OR13A1: variants seen among roughly 807,000 people sequenced by gnomAD.
OR13A1 encodes olfactory receptor 13A1.
Under a neutral mutation model 7.5 loss-of-function variants are expected in OR13A1, and 10 were observed. The ratio of observed to expected loss-of-function variants is 1.34; its 90% CI spans 0.83 to 2.27. The LOEUF (loss-of-function observed/expected upper bound fraction) is 2.27, where lower values mean the gene tolerates loss of function less well. Among genes scored for constraint, OR13A1 ranks in the 30% most tolerant of loss-of-function variants. The probability of loss-of-function intolerance (pLI) is 0.00; values close to 1 mark genes in which losing one functional copy is unlikely to be tolerated. For missense variants in OR13A1, 509 were observed against 419.1 expected, an observed-to-expected ratio of 1.21 and a Z score of -1.87; for synonymous variants, 238 against 177.9, an observed-to-expected ratio of 1.34 and a Z score of -2.69.
chr10:45,306,843 A>G (rs996613996), intron 3 of OR13A1, among the ~76,000 whole-genome samples: 1 of 152,232 alleles, frequency 6.6e-6, no homozygotes, highest in African/African-American at 2.4e-5. Context: ...AGTGGAAGTA[A>G]TAAATACAAT....
chr10:45,304,079 C>A lies in OR13A1; in HGVS notation c.344G>T (p.Cys115Phe), dbSNP rs115582445. 159 of 1,613,740 alleles carry A rather than the reference C, an allele frequency of 9.9e-5. No individual in the cohort carries two copies. The African/African-American group carries it at 1.8e-3, about 18-fold the overall frequency. The change falls in exon 4 of 4, where the codon TGC (cysteine) becomes TTC (phenylalanine). Residue 115 changes from cysteine (C) to phenylalanine (F), a missense_variant. Transcript: ENST00000553795. ...SEESSISYGG[C>F]MAQLYFLTWA... is the part of the protein sequence containing the mutation. ...CGTGAGGAAATAGAGCTGGGCCATG[C>A]AGCCCCCGTAGGAGATGGAGCTCTC...
At chr10:45,305,077 C>A (rs1838299215) in intron 3 of OR13A1, among the ~76,000 whole-genome samples, 1 of 151,912 alleles carries the variant, frequency 6.6e-6, no homozygotes, top group Admixed American at 6.6e-5. Context: ...ACTAAAAATA[C>A]AAAAATTAAC....
At chr10:45,315,417 T>G (rs1039362091) in intron 1 of OR13A1, 107 bp downstream of exon 1, 3 of 152,074 alleles carry the variant, frequency 2.0e-5, no homozygotes, top group Non-Finnish European at 4.4e-5. Context: ...AGAAAAAATG[T>G]TTAACAAAAT....
chr10:45,311,381 A>T (rs1222126764), intron 1 of OR13A1, among the ~76,000 whole-genome samples: 1 of 152,168 alleles, frequency 6.6e-6, no homozygotes, highest in Non-Finnish European at 1.5e-5. Context: ...CTTTAACTTC[A>T]GTCTTGGTTG....
intron 1 of OR13A1, among the ~76,000 whole-genome samples, chr10:45,314,375 C>T (rs1487347472): frequency 2.0e-5 from 3 of 151,010 alleles, no homozygotes; most frequent in African/African-American, 4.9e-5. Flanking sequence ...GGGAGGAGAA[C>T]TTCTGGAGGC....
rs150533270 is a variant in OR13A1, at chr10:45,307,526, A to G, written c.-113T>C. On this transcript the variant is annotated 5_prime_UTR_variant, in exon 3 of 4. Transcript: ENST00000553795. ...GGGCTCCAATCCTCTTTCCATGAGA[A>G]TGACCACAAGATTTCTTTACAGCCT... 6.6e-6 allele frequency: 1 copy of G among 152,314 alleles called. No homozygotes were observed. Among genetic ancestry groups the G allele is most frequent in the African/African-American group, 2.4e-5 (1 of 41,572 alleles). The allele number at this position is 152,314 out of a possible 1,614,324, so 9.4% of individuals were successfully genotyped here. A position where few individuals can be genotyped will look rare whatever the true frequency, so the allele number is the denominator to read the frequency against.
At chr10:45,308,154 T>A (rs1192685887) in intron 1 of OR13A1, among the ~76,000 whole-genome samples, 2 of 152,234 alleles carry the variant, frequency 1.3e-5, no homozygotes, top group Non-Finnish European at 1.5e-5. Flanking sequence ...ATTGTAGACA[T>A]GCTTCAAGAA....
At chr10:45,306,188 C>T (rs1365163706) in intron 3 of OR13A1, among the ~76,000 whole-genome samples, 1 of 152,200 alleles carries the variant, frequency 6.6e-6, no homozygotes, top group African/African-American at 2.4e-5. Flanking sequence ...GGCGTGGTGA[C>T]TCACGCCTGT....
intron 3 of OR13A1, among the ~76,000 whole-genome samples, chr10:45,306,378 G>A (rs1038780675): frequency 2.6e-5 from 4 of 151,812 alleles, no homozygotes; most frequent in African/African-American, 9.7e-5. Flanking sequence ...GCGTGAACCC[G>A]GGAGGCGGAG....
chr10:45,311,639 G>A (rs1466618818), intron 1 of OR13A1, among the ~76,000 whole-genome samples: 1 of 152,012 alleles, frequency 6.6e-6, no homozygotes, highest in Non-Finnish European at 1.5e-5. Flanking sequence ...CATTAAAATA[G>A]TAGTGATACA....
chr10:45,306,734 G>A (rs1463530107), intron 3 of OR13A1, among the ~76,000 whole-genome samples: 2 of 152,112 alleles, frequency 1.3e-5, no homozygotes, highest in Non-Finnish European at 2.9e-5. Context: ...GAGCAATAAG[G>A]CTATATTAGC....
chr10:45,304,237 G>A lies in OR13A1; in HGVS notation c.186C>T (p.Leu62=). Reference sequence around the variant, plus strand: ...GGTTGAACGTGATGGCCAAGGTGATGAGGACATTACCTGTGAGGGCCCCAG... The same window carrying A: ...GGTTGAACGTGATGGCCAAGGTGATAAGGACATTACCTGTGAGGGCCCCAG... ...LYSGALTGNV[L]ITLAITFNPG... Residue 62 remains leucine, a synonymous_variant, in exon 4 of 4, where the codon CTC becomes CTT. Transcript: ENST00000553795. 6.2e-7 allele frequency: 1 copy of A among 1,614,176 alleles called. No homozygotes were observed. Among genetic ancestry groups the A allele is most frequent in the Non-Finnish European group, 8.5e-7 (1 of 1,180,030 alleles).
chr10:45,303,308 A>G lies in OR13A1; in HGVS notation c.*128T>C. ...CAAGTCTCAGGGAACCAGCACTCCC[A>G]GCTCATCCATGCACAGGTTCTGCTG... is the stretch of plus-strand genomic sequence containing the variant. On this transcript the variant is annotated 3_prime_UTR_variant, in exon 4 of 4. Transcript: ENST00000553795. The G allele has an allele frequency of 1.0e-6, 1 of 1,004,274 alleles. No homozygotes were observed. The highest frequency in any genetic ancestry group is 2.3e-5 in the Admixed American group (1 of 42,942). 62.2% of individuals were successfully genotyped at this position (1,004,274 alleles called of 1,614,324 possible).
intron 1 of OR13A1, among the ~76,000 whole-genome samples, chr10:45,311,980 A>G (rs1838455392): frequency 6.6e-6 from 1 of 152,210 alleles, no homozygotes; most frequent in Non-Finnish European, 1.5e-5. Flanking sequence ...TGAAATTAAT[A>G]ATACATTGGA....
intron 1 of OR13A1, among the ~76,000 whole-genome samples, chr10:45,313,524 C>T (rs1838477641): frequency 6.6e-6 from 1 of 151,768 alleles, no homozygotes; most frequent in Non-Finnish European, 1.5e-5. Context: ...CCAACTTTAT[C>T]CTGTCATTTA....
rs1037364411 is a variant in OR13A1 at position 45,306,460 on chromosome 10, A to G, written c.-13+966T>C. Among the ~76,000 whole-genome samples, 181 of 152,314 alleles carry G rather than the reference A, an allele frequency of 1.2e-3. 1 individual carries two copies. The highest frequency in any genetic ancestry group is 3.4e-3 in the Middle Eastern group (1 of 294). Reference sequence around the variant, plus strand: ...AGAGCGAGACTCCGTCTCAAAAAAAAAAAAAAAAGTTAACGAAGATATTCA... The same window carrying G: ...AGAGCGAGACTCCGTCTCAAAAAAAGAAAAAAAAGTTAACGAAGATATTCA... On this transcript the variant is annotated intron_variant, in intron 3 of 3. Coordinates refer to ENST00000553795, the MANE Select transcript of OR13A1 (RefSeq NM_001004297.3).
chr10:45,314,963 A>T (rs1222210045), intron 1 of OR13A1, among the ~76,000 whole-genome samples: 1 of 152,194 alleles, frequency 6.6e-6, no homozygotes, highest in Non-Finnish European at 1.5e-5. Context: ...ACTACCAAAC[A>T]TTTAAGGAAG....
At chr10:45,304,468 G>C (rs745733002) in intron 3 of OR13A1, 34 bp from the exon 4 acceptor site, 1 of 1,558,942 alleles carries the variant, frequency 6.4e-7, no homozygotes, top group Non-Finnish European at 8.7e-7. Flanking sequence ...CCTGAGGAAG[G>C]CTGCTCCCGT....
At position 45,304,407 on chromosome 10, in the gene OR13A1, C is replaced by T. The variant is rs764194216; in HGVS notation, c.16G>A (p.Glu6Lys). The T allele has an allele frequency of 1.9e-6, 3 of 1,612,402 alleles. No individual in the cohort carries two copies. The East Asian group carries it at 6.7e-5, about 36-fold the overall frequency. ...GTTTCTGGGACTATCAGGTGACTCT[C>T]CATCCACAGCTTCATGTGATTTCAG... is the stretch of plus-strand genomic sequence containing the variant. MKLWM[E>K]SHLIVPETRP... The change falls in exon 4 of 4, where the codon GAG becomes AAG. Residue 6 changes from glutamate (E) to lysine (K), a missense_variant. Coordinates refer to ENST00000553795, the MANE Select transcript of OR13A1 (RefSeq NM_001004297.3).
Sources: gnomAD v4.1 joint callset for allele counts (sites outside exome capture counted in the v4.1 genomes callset) on GRCh38, gnomAD v4.1.1 for gene constraint, MANE v1.5 for transcripts, NCBI Gene and HGNC (gene_info 2026-07-23, HGNC 2026-07-21) for gene names.